Variants in IL19 observed in about 807,000 individuals in gnomAD.
IL19 encodes interleukin 19, also known as interleukin-19.
Under a neutral mutation model 19.5 loss-of-function variants are expected in IL19, and 15 were observed. The ratio of observed to expected loss-of-function variants is 0.77; its 90% CI spans 0.52 to 1.19. The LOEUF (loss-of-function observed/expected upper bound fraction) is 1.19, where lower values mean the gene tolerates loss of function less well. Among genes scored for constraint, IL19 ranks in the 50% most tolerant of loss-of-function variants. The probability of loss-of-function intolerance (pLI) is 0.00; values close to 1 mark genes in which losing one functional copy is unlikely to be tolerated. For missense variants in IL19, 199 were observed against 213.1 expected, an observed-to-expected ratio of 0.93 and a Z score of 0.41; for synonymous variants, 78 against 78.3, an observed-to-expected ratio of 1.00 and a Z score of 0.02.
intron 1 of IL19, chr1:206,771,412 T>C: frequency 6.2e-7 from 1 of 1,608,224 alleles, no homozygotes; most frequent in Non-Finnish European, 8.5e-7. Flanking sequence ...TGATCCTTCA[T>C]TTGCTGCAGG....
At chr1:206,771,141 A>C in intron 1 of IL19, 63 bp downstream of exon 1, 1 of 1,478,816 alleles carries the variant, frequency 6.8e-7, no homozygotes, top group Non-Finnish European at 9.4e-7. Flanking sequence ...TTAAGAGGAC[A>C]GCTTGGTTCT....
chr1:206,830,670 C>T (rs756678508), intron 2 of IL19, among the ~76,000 whole-genome samples: 8 of 152,098 alleles, frequency 5.3e-5, no homozygotes, highest in Non-Finnish European at 1.0e-4. Context: ...GCTCTGCCTC[C>T]CGGGTTCATG....
intron 1 of IL19, among the ~76,000 whole-genome samples, chr1:206,795,925 ATATGTGTGTGTG>A (rs1348512318): frequency 3.5e-4 from 46 of 132,244 alleles, no homozygotes; most frequent in Admixed American, 5.7e-4. Context: ...ATAAATATAT[ATATGTGTGTGTG>A]TGTGTGTGTG....
intron 1 of IL19, among the ~76,000 whole-genome samples, chr1:206,778,485 G>C (rs968961738): frequency 1.3e-5 from 2 of 152,068 alleles, no homozygotes; most frequent in Non-Finnish European, 2.9e-5. Context: ...GCTTTAGTTT[G>C]CTCCAGTCTC....
intron 4 of IL19, among the ~76,000 whole-genome samples, chr1:206,838,146 C>G (rs1676862638): frequency 6.6e-6 from 1 of 152,142 alleles, no homozygotes. Context: ...CAACGTGAGG[C>G]AGGAAAGCCA....
rs550765634 is a variant in IL19 at position 206,827,582 on chromosome 1, C to T, written c.-2-9079C>T. Among the ~76,000 whole-genome samples, 1,103 of 151,466 alleles carry T rather than the reference C, an allele frequency of 7.3e-3. 9 individuals carry two copies. Among genetic ancestry groups the T allele is most frequent in the African/African-American group, 0.026 (1,054 of 41,284 alleles). The stretch of plus-strand genomic sequence containing the variant: ...GTGGGCGCCTGTAGTCCCAGCTACT[C>T]GGGAGGCTGAGGCAGGAGAATGGCA... On this transcript the variant is annotated intron_variant, in intron 2 of 6. Coordinates refer to ENST00000659997, the MANE Select transcript of IL19 (RefSeq NM_153758.5).
chr1:206,814,926 A>T (rs1426990608), intron 2 of IL19, among the ~76,000 whole-genome samples: 2 of 152,226 alleles, frequency 1.3e-5, no homozygotes, highest in Non-Finnish European at 2.9e-5. Context: ...GTTCTGTGTC[A>T]CTAATCATCT....
chr1:206,793,014 G>T (rs563824942), intron 1 of IL19, among the ~76,000 whole-genome samples: 1 of 152,352 alleles, frequency 6.6e-6, no homozygotes, highest in South Asian at 2.1e-4. Flanking sequence ...CTTGCCCCAA[G>T]AATGGTTTGC....
At chr1:206,821,557 T>C (rs1210531768) in intron 2 of IL19, among the ~76,000 whole-genome samples, 1 of 152,214 alleles carries the variant, frequency 6.6e-6, no homozygotes, top group East Asian at 1.9e-4. Context: ...AGGAATCCTC[T>C]GGAAGAGAAA....
chr1:206,784,964 T>C (rs1473847397), intron 1 of IL19, among the ~76,000 whole-genome samples: 1 of 152,204 alleles, frequency 6.6e-6, no homozygotes, highest in Non-Finnish European at 1.5e-5. Context: ...GATCCTGGAT[T>C]CCCGTGGCAG....
At chr1:206,803,872 G>T (rs1055751781) in intron 2 of IL19, among the ~76,000 whole-genome samples, 3 of 152,204 alleles carry the variant, frequency 2.0e-5, no homozygotes, top group African/African-American at 7.2e-5. Flanking sequence ...CAGGGACAGG[G>T]TCTGGGACTC....
In IL19 at chr1:206,781,995, T is replaced by TGTTATATATACATATATATGTATATA. The variant is rs1553438241; in HGVS notation, c.-149+10961_-149+10986dup. On this transcript the variant is annotated intron_variant, in intron 1 of 6. Coordinates refer to ENST00000659997, the MANE Select transcript of IL19 (RefSeq NM_153758.5). ...TGTTATATATACATATATATGTATA[T>TGTTATATATACATATATATGTATATA]GTTATATATACATATATATGTATAT... Among the ~76,000 whole-genome samples, 392 of 32,692 alleles carry TGTTATATATACATATATATGTATATA rather than the reference T, an allele frequency of 0.012. 24 individuals carry two copies. The East Asian group carries it at 0.24, about 20-fold the overall frequency. The allele number at this position is 32,692 out of a possible 152,430, so 21.4% of individuals were successfully genotyped here.
intron 1 of IL19, chr1:206,772,587 G>A (rs1674886946): frequency 1.4e-6 from 1 of 719,750 alleles, no homozygotes; most frequent in African/African-American, 1.8e-5. Flanking sequence ...CCCGGCACAG[G>A]ATTTTTTCTG....
intron 2 of IL19, among the ~76,000 whole-genome samples, chr1:206,826,531 C>T (rs1317189417): frequency 6.6e-6 from 1 of 152,180 alleles, no homozygotes; most frequent in Non-Finnish European, 1.5e-5. Flanking sequence ...TGAGTCAGCT[C>T]TCACTCTGCC....
At chr1:206,800,289 G>T (rs916426691) in intron 2 of IL19, among the ~76,000 whole-genome samples, 6 of 152,228 alleles carry the variant, frequency 3.9e-5, no homozygotes, top group Non-Finnish European at 7.3e-5. Context: ...TTTCAGCTGG[G>T]TGCCAAGGAT....
intron 1 of IL19, among the ~76,000 whole-genome samples, chr1:206,784,081 G>A (rs1675208677): frequency 6.6e-6 from 1 of 152,208 alleles, no homozygotes. Context: ...GGATGTTACA[G>A]GGAGACAGAG....
intron 2 of IL19, among the ~76,000 whole-genome samples, 192 bp downstream of exon 2, chr1:206,799,198 T>C (rs751515380): frequency 2.6e-5 from 4 of 152,076 alleles, no homozygotes; most frequent in Admixed American, 2.0e-4. Context: ...GGGGTCACCA[T>C]ACTGGAGATG....
At chr1:206,803,430 C>T (rs373361773) in intron 2 of IL19, among the ~76,000 whole-genome samples, 3 of 152,168 alleles carry the variant, frequency 2.0e-5, no homozygotes, top group Non-Finnish European at 2.9e-5. Context: ...CCTCCATGAA[C>T]ATGTGTGCGT....
chr1:206,821,707 T>C (rs1310229544), intron 2 of IL19, among the ~76,000 whole-genome samples: 1 of 152,256 alleles, frequency 6.6e-6, no homozygotes, highest in East Asian at 1.9e-4. Context: ...CAGGTGCTTC[T>C]AAGCTTCCCC....
Sources: allele counts gnomAD v4.1 joint callset (sites outside exome capture counted in the v4.1 genomes callset), GRCh38; gene constraint gnomAD v4.1.1; transcripts MANE v1.5; gene names NCBI Gene and HGNC (gene_info 2026-07-23, HGNC 2026-07-21).